AFDN: variants seen among roughly 807,000 people sequenced by gnomAD.
The protein encoded by AFDN is afadin, adherens junction formation factor, also known as afadin.
In AFDN, 68 loss-of-function variants were observed where a neutral mutation model predicts 216.6. The ratio of observed to expected loss-of-function variants is 0.31; its 90% CI spans 0.26 to 0.38. AFDN has a LOEUF of 0.38. Among genes scored for constraint, AFDN ranks in the 10% least tolerant of loss-of-function variants. The pLI is 1.00. For synonymous variants in AFDN, 868 were observed against 853.7 expected (o/e 1.02, Z -0.29); for missense variants, 2,136 against 2,342.0 (o/e 0.91, Z 1.82).
At chr6:167,899,091 C>G (rs1358567246) in intron 11 of AFDN, among the ~76,000 whole-genome samples, 1 of 152,128 alleles carries the variant, frequency 6.6e-6, no homozygotes. Flanking sequence ...GGCTTTCTTC[C>G]TGAAGCACAG....
In AFDN at chr6:167,951,265, A is replaced by G. The variant is rs1467368028; in HGVS notation, c.3911A>G (p.Asp1304Gly). Residue 1304 changes from aspartate (D) to glycine (G), a missense_variant, in exon 30 of 34, where the codon GAC becomes GGC. Asp to Gly is a moderately conservative substitution (Grantham distance 94). Transcript: ENST00000683244. This position sits in a 1 kb window ranked among gnomAD's most constrained non-coding sequence, Gnocchi z 7.1. The part of the protein sequence containing the change: ...LERHRIEAAM[D>G]RKSDSDMWIN... ...CGGCATCGAATAGAGGCAGCTATGG[A>G]CCGAAAGTCTGATAGTGATATGTGG... 1 of 1,613,480 alleles carries G rather than the reference A, an allele frequency of 6.2e-7. No individual in the cohort carries two copies. The highest frequency in any genetic ancestry group is 1.1e-5 in the South Asian group (1 of 90,854).
In AFDN at chr6:167,914,870, A is replaced by G. The variant is rs1583391747; in HGVS notation, c.2299+132A>G. 13 of 682,690 alleles carry G rather than the reference A, an allele frequency of 1.9e-5. No individual in the cohort carries two copies. In the South Asian group the frequency reaches 2.6e-4, roughly 14 times the overall value. 42.3% of individuals were successfully genotyped at this position (682,690 alleles called of 1,614,324 possible). On this transcript the variant is annotated intron_variant, in intron 18 of 33. Transcript: ENST00000683244. ...GTCCTTTTGGGTTTGGCAATCTTTAATAAATTTTAACGATTATTTGTTTTG... is the reference window on the plus strand; with the variant it reads ...GTCCTTTTGGGTTTGGCAATCTTTAGTAAATTTTAACGATTATTTGTTTTG...
chr6:167,919,011 G>T, intron 21 of AFDN, 78 bp downstream of exon 21: 1 of 1,282,268 alleles, frequency 7.8e-7, no homozygotes. Context: ...CATCTCATAG[G>T]GTAGTCCACT....
At chr6:167,950,424 C>A (rs934406564) in intron 29 of AFDN, among the ~76,000 whole-genome samples, 1 of 126,086 alleles carries the variant, frequency 7.9e-6, no homozygotes, top group South Asian at 3.0e-4. Flanking sequence ...GTGTGTGTGT[C>A]ATTTCTCTCT....
At chr6:167,893,412 G>T (rs1787854923) in intron 8 of AFDN, among the ~76,000 whole-genome samples, 1 of 152,162 alleles carries the variant, frequency 6.6e-6, no homozygotes, top group Admixed American at 6.5e-5. Flanking sequence ...ACTCAATGCT[G>T]AGGTTCTGCT....
chr6:167,843,992 T>C (rs1260447137), intron 1 of AFDN, among the ~76,000 whole-genome samples: 1 of 152,070 alleles, frequency 6.6e-6, no homozygotes, highest in Non-Finnish European at 1.5e-5. Flanking sequence ...GCAAGAGATA[T>C]GGAGAGCTTG....
intron 1 of AFDN, among the ~76,000 whole-genome samples, chr6:167,838,540 A>T (rs1780702022): frequency 1.3e-5 from 2 of 152,246 alleles, no homozygotes; most frequent in Non-Finnish European, 2.9e-5. Context: ...CACATTAACT[A>T]GCAATTTTTC....
At chr6:167,863,016 T>G (rs746019090) in intron 1 of AFDN, among the ~76,000 whole-genome samples, 1 of 152,252 alleles carries the variant, frequency 6.6e-6, no homozygotes, top group Non-Finnish European at 1.5e-5. Context: ...GAAATGTGCC[T>G]TACTGTCTCA....
chr6:167,846,848 A>G lies in AFDN; in HGVS notation c.106-17703A>G, dbSNP rs527973982. 5.9e-5 allele frequency among the ~76,000 whole-genome samples: 9 copies of G among 152,064 alleles called. No individual in the cohort carries two copies. The South Asian group carries it at 1.9e-3, about 32-fold the overall frequency. On this transcript the variant is annotated intron_variant, in intron 1 of 33. Coordinates refer to ENST00000683244, the MANE Select transcript of AFDN (RefSeq NM_001386888.1). ...GTCATAATTAAAACTCTGAGTTAGT[A>G]GAAATCAAATATTGTTTAATATAAT...
chr6:167,951,465 C>G lies in AFDN; in HGVS notation c.4111C>G (p.Leu1371Val), dbSNP rs1468940378. ...VAVSQPIRTD[L>V]PPPPPPPPVH... ...CGTCTCCCAGCCAATCCGAACAGAC[C>G]TGCCTCCGCCACCCCCGCCACCTCC... Residue 1371 changes from leucine (L) to valine (V), a missense_variant, in exon 30 of 34, where the codon CTG (leucine) becomes GTG (valine). Leu to Val is a conservative substitution (Grantham distance 32). This residue lies in a region of AFDN where 981 missense variants were observed against 966.0 expected (regional missense o/e 1.02). Transcript: ENST00000683244. This position sits in a 1 kb window ranked among gnomAD's most constrained non-coding sequence, Gnocchi z 7.1. 6.2e-7 allele frequency: 1 copy of G among 1,614,014 alleles called. No individual in the cohort carries two copies. The highest frequency in any genetic ancestry group is 8.5e-7 in the Non-Finnish European group (1 of 1,180,044).
chr6:167,868,139 C>A (rs183478988), intron 2 of AFDN, among the ~76,000 whole-genome samples: 1 of 152,000 alleles, frequency 6.6e-6, no homozygotes, highest in Admixed American at 6.6e-5. Context: ...CCAAAGTGAT[C>A]GTTTGTACTG....
In AFDN at chr6:167,872,554, G is replaced by A. The variant is rs1784907872; in HGVS notation, c.578+177G>A. On this transcript the variant is annotated intron_variant, in intron 4 of 33. Coordinates refer to ENST00000683244, the MANE Select transcript of AFDN (RefSeq NM_001386888.1). ...AGGGAGGATAGAGGGTCTTACCTAA[G>A]CAGGGTTCATTGCTGGCAGTGCCTG... Among the ~76,000 whole-genome samples, 3 of 152,198 alleles carry A rather than the reference G, an allele frequency of 2.0e-5. No individual in the cohort carries two copies. In the South Asian group the frequency reaches 6.2e-4, roughly 31 times the overall value.
At chr6:167,833,129 A>C (rs915205286) in intron 1 of AFDN, among the ~76,000 whole-genome samples, 1 of 152,232 alleles carries the variant, frequency 6.6e-6, no homozygotes, top group African/African-American at 2.4e-5. Flanking sequence ...TTTTCACAGA[A>C]TATTCAGACT....
At chr6:167,849,064 C>T (rs1782008135) in intron 1 of AFDN, among the ~76,000 whole-genome samples, 1 of 152,106 alleles carries the variant, frequency 6.6e-6, no homozygotes, top group Non-Finnish European at 1.5e-5. Flanking sequence ...GAACATGGTC[C>T]ACTTACTTGA....
intron 31 of AFDN, chr6:167,964,295 G>T: frequency 1.9e-6 from 2 of 1,063,908 alleles, no homozygotes; most frequent in Non-Finnish European, 2.3e-6. Context: ...TCTTGTAATT[G>T]TATCTGCTCT....
intron 23 of AFDN, among the ~76,000 whole-genome samples, chr6:167,942,246 T>C (rs558613731): frequency 1.3e-5 from 2 of 152,314 alleles, no homozygotes; most frequent in African/African-American, 4.8e-5. Context: ...AGAAAATCTG[T>C]TTTAACTAAG....
chr6:167,925,155 CAG>C, intron 23 of AFDN, 64 bp downstream of exon 23: 2 of 1,186,590 alleles, frequency 1.7e-6, no homozygotes, highest in Non-Finnish European at 2.5e-6. Flanking sequence ...CAGTGGTTGT[CAG>C]AGTGGATCGT....
chr6:167,912,148 G>A (rs940591056), intron 15 of AFDN: 1 of 152,398 alleles, frequency 6.6e-6, no homozygotes, highest in African/African-American at 2.4e-5. Context: ...GAAGATAAAG[G>A]TATTTTGTTG....
At chr6:167,927,984 G>A (rs57791551) in intron 23 of AFDN, among the ~76,000 whole-genome samples, 1,685 of 152,276 alleles carry the variant, frequency 0.011, 39 homozygotes, top group African/African-American at 0.038. Context: ...TTTCTGTTAT[G>A]TTCATCCTGT....
Sources: allele counts gnomAD v4.1 joint callset (sites outside exome capture counted in the v4.1 genomes callset), GRCh38; gene constraint gnomAD v4.1.1; regional missense constraint gnomAD v4.1.1; non-coding constraint Gnocchi (gnomAD v3.1); transcripts MANE v1.5; gene names NCBI Gene and HGNC (gene_info 2026-07-23, HGNC 2026-07-21).